The following ANKH variants were observed in gnomAD, a reference collection of about 807,000 sequenced individuals.
ANKH encodes the protein mineralization regulator ANKH.
Under a neutral mutation model 49.0 loss-of-function variants are expected in ANKH, and 15 were observed. That is an observed-to-expected ratio of 0.31 (90% CI 0.20 to 0.47). The LOEUF is 0.47. Among genes scored for constraint, ANKH ranks in the 20% least tolerant of loss-of-function variants. ANKH has a pLI of 1.00. For synonymous variants in ANKH, 273 were observed against 260.0 expected, an observed-to-expected ratio of 1.05 and a Z score of -0.48; for missense variants, 429 against 652.0, an observed-to-expected ratio of 0.66 and a Z score of 3.72.
chr5:14,713,954 C>T lies in ANKH; in HGVS notation c.1142-287G>A, dbSNP rs1737342749. On this transcript the variant is annotated intron_variant, in intron 9 of 11. Coordinates refer to ENST00000284268, the MANE Select transcript of ANKH (RefSeq NM_054027.6). This position sits in a 1 kb window ranked among gnomAD's most constrained non-coding sequence, Gnocchi z 4.4. ...GCATCTTCCAGGCAGCCTAGCTGCT[C>T]TTGTCCAGTCCTGTCCCCACACTTG... Among the ~76,000 whole-genome samples, 1 of 152,254 alleles carries T rather than the reference C, an allele frequency of 6.6e-6. No homozygotes were observed. Among genetic ancestry groups the T allele is most frequent in the South Asian group, 2.1e-4 (1 of 4,832 alleles).
intron 1 of ANKH, among the ~76,000 whole-genome samples, chr5:14,843,952 T>C (rs1029494445): frequency 1.3e-5 from 2 of 152,210 alleles, no homozygotes; most frequent in Non-Finnish European, 2.9e-5. Context: ...ATTTTTTTAG[T>C]GGACACCACA....
intron 7 of ANKH, among the ~76,000 whole-genome samples, chr5:14,742,858 C>T (rs1177381129): frequency 3.3e-5 from 5 of 152,240 alleles, no homozygotes; most frequent in African/African-American, 7.2e-5. Context: ...CACTGCTAAG[C>T]GTGCTCCTCA....
intron 1 of ANKH, among the ~76,000 whole-genome samples, chr5:14,840,900 C>T (rs535272788): frequency 6.6e-6 from 1 of 152,198 alleles, no homozygotes; most frequent in South Asian, 2.1e-4. Context: ...CAGGATATTT[C>T]TGAGTGGCGC....
At chr5:14,788,983 C>A (rs1740068801) in intron 1 of ANKH, among the ~76,000 whole-genome samples, 1 of 152,194 alleles carries the variant, frequency 6.6e-6, no homozygotes, top group Non-Finnish European at 1.5e-5. Context: ...AATCCCAGCA[C>A]TTTGGGAGGC....
chr5:14,802,845 A>G (rs1740604119), intron 1 of ANKH, among the ~76,000 whole-genome samples: 3 of 152,122 alleles, frequency 2.0e-5, no homozygotes, highest in Admixed American at 6.5e-5. Flanking sequence ...TAAGCTGCCC[A>G]TCATGATCCA....
intron 1 of ANKH, among the ~76,000 whole-genome samples, chr5:14,851,047 G>A (rs1742108836): frequency 6.6e-6 from 1 of 152,088 alleles, no homozygotes; most frequent in South Asian, 2.1e-4. Context: ...AGAATTCCAG[G>A]AGGACTGCGG....
rs1553998779 is a variant in ANKH at position 14,709,303 on chromosome 5, A to AAT, written c.*1893_*1894insAT. The AAT allele has an allele frequency of 2.0e-5, 3 of 152,014 alleles. No individual in the cohort carries two copies. The highest frequency in any genetic ancestry group is 7.3e-5 in the African/African-American group (3 of 41,328). The allele number at this position is 152,014 out of a possible 1,614,324, so 9.4% of individuals were successfully genotyped here. ...AATGTCCTTTAAAAAAAGCTGATAC[A>AAT]TTGAGATTTTTTTTTAATCTTCTCA... is the stretch of plus-strand genomic sequence containing the variant. On this transcript the variant is annotated 3_prime_UTR_variant, in exon 12 of 12. Transcript: ENST00000284268.
At chr5:14,787,877 G>A (rs572274471) in intron 1 of ANKH, among the ~76,000 whole-genome samples, 4 of 152,262 alleles carry the variant, frequency 2.6e-5, no homozygotes, top group Middle Eastern at 3.4e-3. Flanking sequence ...CAGCCATGAC[G>A]CTCCCAAACC....
intron 1 of ANKH, among the ~76,000 whole-genome samples, chr5:14,796,832 A>G (rs1740406071): frequency 6.6e-6 from 1 of 152,198 alleles, no homozygotes. Context: ...TTGGGGATAT[A>G]GCATAAGAAG....
intron 11 of ANKH, 123 bp from the exon 12 acceptor site, chr5:14,711,433 T>G (rs769714388): frequency 1.8e-5 from 14 of 797,810 alleles, no homozygotes; most frequent in Non-Finnish European, 2.8e-5. Flanking sequence ...AACCTTCTTA[T>G]GGTTGGGGTG....
intron 1 of ANKH, among the ~76,000 whole-genome samples, chr5:14,849,911 C>T (rs1265427178): frequency 4.6e-5 from 7 of 152,156 alleles, no homozygotes; most frequent in Non-Finnish European, 1.5e-5. Context: ...GAGCCTTCCT[C>T]TGCACCCTTT....
intron 1 of ANKH, among the ~76,000 whole-genome samples, chr5:14,829,655 T>C (rs1325200563): frequency 6.6e-6 from 1 of 152,102 alleles, no homozygotes; most frequent in African/African-American, 2.4e-5. Flanking sequence ...CCACAACACA[T>C]CTTGAGTGTC....
At chr5:14,775,636 T>A (rs1316388052) in intron 1 of ANKH, among the ~76,000 whole-genome samples, 2 of 151,768 alleles carry the variant, frequency 1.3e-5, no homozygotes, top group East Asian at 3.9e-4. Flanking sequence ...AGACCAAGAG[T>A]GAGCCAGGTG....
At chr5:14,787,927 T>C (rs1002130633) in intron 1 of ANKH, among the ~76,000 whole-genome samples, 16 of 152,232 alleles carry the variant, frequency 1.1e-4, no homozygotes, top group African/African-American at 3.6e-4. Flanking sequence ...CTTCTCCCTG[T>C]TGGACTCACT....
chr5:14,782,815 C>T (rs1739851310), intron 1 of ANKH, among the ~76,000 whole-genome samples: 1 of 152,110 alleles, frequency 6.6e-6, no homozygotes, highest in African/African-American at 2.4e-5. Context: ...CCTGTAAATC[C>T]AGCACCACGC....
intron 1 of ANKH, among the ~76,000 whole-genome samples, chr5:14,779,801 T>G (rs1201438304): frequency 6.6e-6 from 1 of 152,192 alleles, no homozygotes; most frequent in African/African-American, 2.4e-5. Context: ...AGGTCTTCCA[T>G]GACTACTTCC....
In ANKH at chr5:14,709,506, G is replaced by C. The variant is rs929158583; in HGVS notation, c.*1691C>G. The C allele has an allele frequency of 2.6e-5, 4 of 152,204 alleles. No homozygotes were observed. Among genetic ancestry groups the C allele is most frequent in the African/African-American group, 9.6e-5 (4 of 41,452 alleles). The allele number at this position is 152,204 out of a possible 1,614,324, so 9.4% of individuals were successfully genotyped here. On this transcript the variant is annotated 3_prime_UTR_variant, in exon 12 of 12. Coordinates refer to ENST00000284268, the MANE Select transcript of ANKH (RefSeq NM_054027.6). ...TGAATGCAACCCTGGCATGTTCACA[G>C]CTAACATTATGCCCTTGCATTCTTT...
chr5:14,799,904 C>T (rs10064235), intron 1 of ANKH, among the ~76,000 whole-genome samples: 15,317 of 152,052 alleles, frequency 0.1, 845 homozygotes, highest in Admixed American at 0.11. Flanking sequence ...GCTATAGCTG[C>T]CATAGACAGT....
At chr5:14,853,904 C>T (rs1174401453) in intron 1 of ANKH, among the ~76,000 whole-genome samples, 1 of 151,984 alleles carries the variant, frequency 6.6e-6, no homozygotes, top group Non-Finnish European at 1.5e-5. Context: ...TAGAGCAAAC[C>T]CAGGAGCCTC....
Sources: gnomAD v4.1 joint callset for allele counts (sites outside exome capture counted in the v4.1 genomes callset) on GRCh38, gnomAD v4.1.1 for gene constraint, Gnocchi (gnomAD v3.1) non-coding constraint, MANE v1.5 for transcripts, NCBI Gene and HGNC (gene_info 2026-07-23, HGNC 2026-07-21) for gene names.